MED12L: variants seen among roughly 807,000 people sequenced by gnomAD.
MED12L encodes the protein mediator of RNA polymerase II transcription subunit 12-like protein.
A neutral mutation model predicts 281.3 loss-of-function variants in MED12L; 60 were observed. That is an observed-to-expected ratio of 0.21 (90% CI 0.17 to 0.26). MED12L has a LOEUF of 0.26. Ranked by LOEUF, MED12L falls within the 10% of genes least tolerant of loss-of-function variation. The pLI, the probability that MED12L is intolerant of heterozygous loss-of-function variation, is 1.00. For missense variants in MED12L, 2,146 were observed against 2,680.9 expected (o/e 0.80, Z 4.41); for synonymous variants, 974 against 987.2 (o/e 0.99, Z 0.25).
rs144756291 is a variant in MED12L at position 151,390,009 on chromosome 3, C to T, written c.5482C>T (p.Pro1828Ser). Residue 1828 changes from proline to serine, a missense_variant, in exon 38 of 45, where the codon CCT (proline) becomes TCT (serine). By Grantham distance (74) the Pro-to-Ser change is moderately conservative. This residue lies in a region of MED12L where 496 missense variants were observed against 512.0 expected (regional missense o/e 0.97). Coordinates refer to ENST00000687756, the MANE Select transcript of MED12L (RefSeq NM_001393769.1). ...EYPQSNIYRV[P>S]PNYSPISSQM... Reference sequence around the variant, plus strand: ...TCCACAGAGCAACATATACCGAGTGCCTCCTAATTACTCGCCTATCTCCTC... The same window carrying T: ...TCCACAGAGCAACATATACCGAGTGTCTCCTAATTACTCGCCTATCTCCTC... 1 of 1,614,084 alleles carries T rather than the reference C, an allele frequency of 6.2e-7. No homozygotes were observed.
chr3:151,208,961 CCTTGT>C (rs1449638982), intron 16 of MED12L, among the ~76,000 whole-genome samples: 2 of 152,028 alleles, frequency 1.3e-5, no homozygotes, highest in African/African-American at 4.8e-5. Context: ...AAATTTACTC[CCTTGT>C]CTTAAGTCCT....
intron 44 of MED12L, among the ~76,000 whole-genome samples, chr3:151,430,864 A>G (rs933100339): frequency 2.7e-5 from 4 of 150,150 alleles, no homozygotes; most frequent in Middle Eastern, 3.2e-3. Flanking sequence ...ATCAAAACCT[A>G]TAACATCATA....
chr3:151,338,885 AT>A (rs761063018), intron 16 of MED12L: 16 of 1,594,870 alleles, frequency 1.0e-5, no homozygotes, highest in Non-Finnish European at 1.4e-5. Context: ...GAGGATGGTT[AT>A]TTTCAGCCTA....
intron 31 of MED12L, among the ~76,000 whole-genome samples, chr3:151,379,485 G>C (rs1257006313): frequency 2.0e-5 from 3 of 152,176 alleles, no homozygotes; most frequent in Admixed American, 2.0e-4. Context: ...CAAATGCCTT[G>C]ACACCTCTTT....
intron 16 of MED12L, among the ~76,000 whole-genome samples, chr3:151,234,944 A>G (rs1249825149): frequency 6.6e-6 from 1 of 152,242 alleles, no homozygotes; most frequent in Non-Finnish European, 1.5e-5. Context: ...CGTTCCAGCG[A>G]ACTTTCTTCT....
chr3:151,197,563 G>A (rs192021449), intron 16 of MED12L, among the ~76,000 whole-genome samples: 198 of 152,254 alleles, frequency 1.3e-3, no homozygotes, highest in Non-Finnish European at 5.9e-4. Flanking sequence ...CTTGCTATGC[G>A]AAGTCAGTGT....
intron 39 of MED12L, among the ~76,000 whole-genome samples, chr3:151,408,257 G>T (rs1247057296): frequency 6.6e-6 from 1 of 152,158 alleles, no homozygotes; most frequent in African/African-American, 2.4e-5. Flanking sequence ...CAGAAGCCCA[G>T]CCTCTGAAAT....
intron 16 of MED12L, among the ~76,000 whole-genome samples, chr3:151,305,249 A>G (rs1746491309): frequency 6.6e-6 from 1 of 152,200 alleles, no homozygotes; most frequent in African/African-American, 2.4e-5. Flanking sequence ...CCTGCCACCT[A>G]CTGTTCCTTC....
At chr3:151,321,408 C>T (rs1577326562) in intron 16 of MED12L, among the ~76,000 whole-genome samples, 1 of 151,988 alleles carries the variant, frequency 6.6e-6, no homozygotes, top group East Asian at 1.9e-4. Context: ...CATTTTTGGA[C>T]TTAGGAAACT....
intron 16 of MED12L, among the ~76,000 whole-genome samples, chr3:151,288,040 A>G (rs1482014641): frequency 1.3e-5 from 2 of 152,176 alleles, no homozygotes; most frequent in East Asian, 1.9e-4. Context: ...CTGGGATTCT[A>G]TATTGCTTGA....
chr3:151,233,361 A>C (rs781540155), intron 16 of MED12L, among the ~76,000 whole-genome samples: 13 of 152,236 alleles, frequency 8.5e-5, no homozygotes, highest in Non-Finnish European at 1.6e-4. Flanking sequence ...ATTGCTTTTA[A>C]ATATAGTCTT....
intron 5 of MED12L, among the ~76,000 whole-genome samples, chr3:151,137,194 A>G (rs561220445): frequency 4.6e-5 from 7 of 152,148 alleles, no homozygotes; most frequent in Middle Eastern, 3.4e-3. Flanking sequence ...AAAGAACGAA[A>G]AAAAGTTTAT....
rs190888123 is a variant in MED12L at position 151,432,276 on chromosome 3, G to A, written c.6491-476G>A. On this transcript the variant is annotated intron_variant, in intron 44 of 44. Transcript: ENST00000687756. ...GGCACACGCTTGAGTCATCACACAC[G>A]GACAGTCTTGCACCTGCATATACTC... Among the ~76,000 whole-genome samples the A allele has an allele frequency of 1.8e-3, 272 of 152,306 alleles. 6 individuals are homozygous for A. The highest frequency in any genetic ancestry group is 0.017 in the Admixed American group (267 of 15,294).
intron 16 of MED12L, among the ~76,000 whole-genome samples, chr3:151,260,620 G>T (rs2149494467): frequency 6.6e-6 from 1 of 152,232 alleles, no homozygotes; most frequent in Admixed American, 6.5e-5. Flanking sequence ...CAACATGCTG[G>T]AATTACAGAC....
Position 151,091,186 on chromosome 3 carries a change from C to T in MED12L, c.99+4161C>T, listed in dbSNP as rs142757184. ...TTCCGGGAATCAGGAGCTGTAGAGC[C>T]CCACCAGCAGGGACCTACGGGAATA... On this transcript the variant is annotated intron_variant, in intron 2 of 44. Transcript: ENST00000687756. Among the ~76,000 whole-genome samples, 419 of 152,184 alleles carry T rather than the reference C, an allele frequency of 2.8e-3. 1 individual carries two copies. The highest frequency in any genetic ancestry group is 9.7e-3 in the African/African-American group (403 of 41,506).
chr3:151,310,049 T>C (rs1001307234), intron 16 of MED12L, among the ~76,000 whole-genome samples: 1 of 152,080 alleles, frequency 6.6e-6, no homozygotes, highest in Non-Finnish European at 1.5e-5. Context: ...AATCAAACGC[T>C]GGGCCTGCTG....
intron 16 of MED12L, among the ~76,000 whole-genome samples, chr3:151,210,256 C>T (rs1424960140): frequency 6.6e-6 from 1 of 152,180 alleles, no homozygotes; most frequent in South Asian, 2.1e-4. Context: ...ATGGCTGGCC[C>T]CTTATGTGGG....
intron 11 of MED12L, among the ~76,000 whole-genome samples, chr3:151,183,097 C>T (rs1451852069): frequency 7.1e-6 from 1 of 141,040 alleles, no homozygotes; most frequent in African/African-American, 2.5e-5. Context: ...GATATTTTTC[C>T]TCCAAGGCCC....
intron 5 of MED12L, among the ~76,000 whole-genome samples, chr3:151,148,410 G>A (rs1220080929): frequency 1.3e-5 from 2 of 152,156 alleles, no homozygotes; most frequent in African/African-American, 4.8e-5. Context: ...GTTGAGTAAT[G>A]GTATATATAA....
Sources: gnomAD v4.1 joint callset for allele counts (sites outside exome capture counted in the v4.1 genomes callset) on GRCh38, gnomAD v4.1.1 for gene constraint, gnomAD v4.1.1 regional missense constraint, MANE v1.5 for transcripts, NCBI Gene and HGNC (gene_info 2026-07-23, HGNC 2026-07-21) for gene names.